SMARCA5: variants seen among roughly 807,000 people sequenced by gnomAD.
SMARCA5 encodes SNF2 related chromatin remodeling ATPase 5.
A neutral mutation model predicts 140.4 loss-of-function variants in SMARCA5; 18 were observed. That is an observed-to-expected ratio of 0.13 (90% confidence interval 0.09 to 0.19). SMARCA5 has a LOEUF of 0.19. Ranked by LOEUF, SMARCA5 falls within the 10% of genes least tolerant of loss-of-function variation. The probability of loss-of-function intolerance (pLI) is 1.00; values close to 1 mark genes in which losing one functional copy is unlikely to be tolerated. For synonymous variants in SMARCA5, 449 were observed against 419.6 expected, an observed-to-expected ratio of 1.07 and a Z score of -0.86; for missense variants, 606 against 1,276.8, an observed-to-expected ratio of 0.47 and a Z score of 8.01.
In SMARCA5 at chr4:143,557,299, AAC is replaced by A. The variant is rs1177603705; in HGVS notation, c.*4118_*4119del. 2 of 152,262 alleles carry A rather than the reference AAC, an allele frequency of 1.3e-5. No homozygotes were observed. 9.4% of individuals were successfully genotyped at this position (152,262 alleles called of 1,614,324 possible). Reference sequence around the variant, plus strand: ...GAAACTTTGTAATATAAACAATGTAAACACTACATTGACAAAAATATTTTATT... The same window carrying A: ...GAAACTTTGTAATATAAACAATGTAAACTACATTGACAAAAATATTTTATT... On this transcript the variant is annotated 3_prime_UTR_variant, in exon 24 of 24. Transcript: ENST00000283131.
In SMARCA5 at chr4:143,545,663, C is replaced by G. The variant is rs1737510423; in HGVS notation, c.2397+80C>G. 11 of 903,270 alleles carry G rather than the reference C, an allele frequency of 1.2e-5. No individual in the cohort carries two copies. In the Admixed American group the frequency reaches 1.4e-4, roughly 12 times the overall value. 56.0% of individuals were successfully genotyped at this position (903,270 alleles called of 1,614,324 possible). A position where few individuals can be genotyped will look rare whatever the true frequency, so the allele number is the denominator to read the frequency against. ...ATAAACATTAGTTATAAATATTTAT[C>G]TAATTTGGACCTAGTGTGAAACAAT... is the stretch of plus-strand genomic sequence containing the variant. On this transcript the variant is annotated intron_variant, in intron 18 of 23. Coordinates refer to ENST00000283131, the MANE Select transcript of SMARCA5 (RefSeq NM_003601.4).
chr4:143,531,239 T>C (rs888949469), intron 9 of SMARCA5, among the ~76,000 whole-genome samples: 4 of 152,226 alleles, frequency 2.6e-5, no homozygotes, highest in Non-Finnish European at 4.4e-5. Context: ...ACATTGTGTA[T>C]AAACAACTGC....
intron 9 of SMARCA5, among the ~76,000 whole-genome samples, chr4:143,533,806 T>A (rs1260690731): frequency 6.6e-6 from 1 of 152,208 alleles, no homozygotes; most frequent in Non-Finnish European, 1.5e-5. Context: ...ACAGTCTGCA[T>A]GCAAGTAACT....
intron 1 of SMARCA5, among the ~76,000 whole-genome samples, chr4:143,516,122 TG>T (rs1736825431): frequency 6.6e-6 from 1 of 151,890 alleles, no homozygotes; most frequent in Admixed American, 6.6e-5. Context: ...ACTTGGAAAA[TG>T]AATATTTTAT....
At chr4:143,517,536 G>C in intron 2 of SMARCA5, 107 bp downstream of exon 2, 2 of 626,458 alleles carry the variant, frequency 3.2e-6, no homozygotes, top group Non-Finnish European at 2.6e-6. Flanking sequence ...CAATACCACA[G>C]ACTGGGTAAT....
rs1737756771 is a variant in SMARCA5, at chr4:143,556,393, CTTG to C, written c.*3212_*3214del. 1 of 152,138 alleles carries C rather than the reference CTTG, an allele frequency of 6.6e-6. No individual in the cohort carries two copies. Among genetic ancestry groups the C allele is most frequent in the Admixed American group, 6.5e-5 (1 of 15,276 alleles). 9.4% of individuals were successfully genotyped at this position (152,138 alleles called of 1,614,324 possible). A position where few individuals can be genotyped will look rare whatever the true frequency, so the allele number is the denominator to read the frequency against. On this transcript the variant is annotated 3_prime_UTR_variant, in exon 24 of 24. Transcript: ENST00000283131. ...ATTCTGAGTAAAAAATAAATTTCAT[CTTG>C]TTCTATCCCTTTGAATCTAAAAAAC... is the stretch of plus-strand genomic sequence containing the variant.
At position 143,525,443 on chromosome 4, in the gene SMARCA5, G is replaced by T; in HGVS notation, c.521-8G>T. On this transcript the variant is annotated splice_polypyrimidine_tract_variant and splice_region_variant and intron_variant, in intron 4 of 23. Transcript: ENST00000283131. ...AAAATGCCTATTGTGCTTTTCTTTTGTTCTTAGATGTAAAATGGGGTAAAC... is the reference window on the plus strand; with the variant it reads ...AAAATGCCTATTGTGCTTTTCTTTTTTTCTTAGATGTAAAATGGGGTAAAC... 1 of 1,582,434 alleles carries T rather than the reference G, an allele frequency of 6.3e-7. No individual in the cohort carries two copies. The highest frequency in any genetic ancestry group is 8.7e-7 in the Non-Finnish European group (1 of 1,151,426).
At chr4:143,528,435 C>A in intron 7 of SMARCA5, 148 bp from the exon 8 acceptor site, 1 of 608,652 alleles carries the variant, frequency 1.6e-6, no homozygotes. Flanking sequence ...TCTTTTATGG[C>A]TGCGTACTAT....
In SMARCA5 at chr4:143,554,773, A is replaced by T. The variant is rs1033636374; in HGVS notation, c.*1589A>T. 1.7e-5 allele frequency: 3 copies of T among 179,678 alleles called. No homozygotes were observed. The highest frequency in any genetic ancestry group is 7.2e-5 in the African/African-American group (3 of 41,816). 11.1% of individuals were successfully genotyped at this position (179,678 alleles called of 1,614,324 possible). A position where few individuals can be genotyped will look rare whatever the true frequency, so the allele number is the denominator to read the frequency against. On this transcript the variant is annotated 3_prime_UTR_variant, in exon 24 of 24. Transcript: ENST00000283131. Reference sequence around the variant, plus strand: ...AAGAGTTATCACCTCAGTTTGGAAGAAATTGAAAAAATGTAAGGCTGAAGA... The same window carrying T: ...AAGAGTTATCACCTCAGTTTGGAAGTAATTGAAAAAATGTAAGGCTGAAGA...
At chr4:143,531,957 A>G (rs1333047674) in intron 9 of SMARCA5, among the ~76,000 whole-genome samples, 2 of 152,140 alleles carry the variant, frequency 1.3e-5, no homozygotes, top group Non-Finnish European at 2.9e-5. Context: ...GCATCCTAAT[A>G]TTATAGGACT....
At chr4:143,517,708 G>A (rs955610753) in intron 2 of SMARCA5, among the ~76,000 whole-genome samples, 4 of 152,230 alleles carry the variant, frequency 2.6e-5, no homozygotes, top group Middle Eastern at 3.4e-3. Context: ...AAGCTCACTG[G>A]TGATAACCTC....
chr4:143,513,776 G>A lies in SMARCA5; in HGVS notation c.-149G>A. 1.1e-6 allele frequency: 1 copy of A among 887,112 alleles called. No homozygotes were observed. The highest frequency in any genetic ancestry group is 1.7e-6 in the Non-Finnish European group (1 of 593,494). The allele number at this position is 887,112 out of a possible 1,614,324, so 55.0% of individuals were successfully genotyped here. On this transcript the variant is annotated 5_prime_UTR_variant, in exon 1 of 24. Coordinates refer to ENST00000283131, the MANE Select transcript of SMARCA5 (RefSeq NM_003601.4). ...CAGCTCCTGGGCCCGGCTCAGGCCCGTCGCGGAGGCGCGGCGCAGGGGAGC... is the reference window on the plus strand; with the variant it reads ...CAGCTCCTGGGCCCGGCTCAGGCCCATCGCGGAGGCGCGGCGCAGGGGAGC...
chr4:143,536,770 G>T, intron 11 of SMARCA5, 92 bp downstream of exon 11: 2 of 849,308 alleles, frequency 2.4e-6, no homozygotes, highest in Non-Finnish European at 3.9e-6. Flanking sequence ...CTGCTCTGAT[G>T]CTTTCCAAGG....
intron 2 of SMARCA5, among the ~76,000 whole-genome samples, chr4:143,517,967 A>C (rs1007380893): frequency 5.9e-5 from 9 of 152,196 alleles, no homozygotes; most frequent in Non-Finnish European, 1.3e-4. Context: ...TATATGAATT[A>C]ACATAATATG....
chr4:143,514,095 G>C lies in SMARCA5; in HGVS notation c.171G>C (p.Glu57Asp). 6.5e-7 allele frequency: 1 copy of C among 1,547,014 alleles called. No individual in the cohort carries two copies. Among genetic ancestry groups the C allele is most frequent in the Non-Finnish European group, 8.7e-7 (1 of 1,154,538 alleles). ...SAASAGPADA[E>D]MEEIFDDASP... The stretch of plus-strand genomic sequence containing the variant: ...CCAGCGCTGGTCCCGCAGACGCCGA[G>C]ATGGAGGTGAGGGCGACTTGCGGCA... The change falls in exon 1 of 24, where the codon GAG (glutamate) becomes GAC (aspartate). Residue 57 changes from glutamate to aspartate, a missense_variant. This residue lies in a region of SMARCA5 where 164 missense variants were observed against 128.4 expected (regional missense o/e 1.28). Transcript: ENST00000283131.
In SMARCA5 at chr4:143,543,594, T is replaced by C; in HGVS notation, c.1989T>C (p.Ala663=). The C allele has an allele frequency of 6.2e-7, 1 of 1,613,112 alleles. No individual in the cohort carries two copies. Among genetic ancestry groups the C allele is most frequent in the Non-Finnish European group, 8.5e-7 (1 of 1,179,320 alleles). Residue 663 remains alanine, a synonymous_variant, in exon 15 of 24, where the codon GCT becomes GCC. Transcript: ENST00000283131. ...MIRHGATHVF[A]SKESEITDED... is the part of the protein sequence containing the mutation. ...GACATGGAGCAACACATGTGTTTGCTTCAAAGGAAAGTGAGATCACTGATG... is the reference window on the plus strand; with the variant it reads ...GACATGGAGCAACACATGTGTTTGCCTCAAAGGAAAGTGAGATCACTGATG...
In SMARCA5 at chr4:143,555,383, C is replaced by T; in HGVS notation, c.*2199C>T. 1 of 690,030 alleles carries T rather than the reference C, an allele frequency of 1.4e-6. No individual in the cohort carries two copies. The highest frequency in any genetic ancestry group is 1.4e-5 in the South Asian group (1 of 72,554). 42.7% of individuals were successfully genotyped at this position (690,030 alleles called of 1,614,324 possible). On this transcript the variant is annotated 3_prime_UTR_variant, in exon 24 of 24. Coordinates refer to ENST00000283131, the MANE Select transcript of SMARCA5 (RefSeq NM_003601.4). ...ACCATATCCATCACCACCACCATGGCTGCCACCAAAGCCACCACGATCACA... is the reference window on the plus strand; with the variant it reads ...ACCATATCCATCACCACCACCATGGTTGCCACCAAAGCCACCACGATCACA...
intron 10 of SMARCA5, among the ~76,000 whole-genome samples, chr4:143,536,202 T>C (rs553554632): frequency 6.6e-6 from 1 of 152,308 alleles, no homozygotes; most frequent in Admixed American, 6.5e-5. Flanking sequence ...GGGAACTGTT[T>C]TTGTACTTTA....
At chr4:143,523,288 A>G (rs575314842) in intron 3 of SMARCA5, among the ~76,000 whole-genome samples, 1 of 151,580 alleles carries the variant, frequency 6.6e-6, no homozygotes, top group African/African-American at 2.4e-5. Flanking sequence ...CTGCCTCCTA[A>G]AGTGTTGGGA....
Sources: allele counts gnomAD v4.1 joint callset (sites outside exome capture counted in the v4.1 genomes callset), GRCh38; gene constraint gnomAD v4.1.1; regional missense constraint gnomAD v4.1.1; transcripts MANE v1.5; gene names NCBI Gene and HGNC (gene_info 2026-07-23, HGNC 2026-07-21).